Variants in GCN1 observed in about 807,000 individuals in gnomAD.
GCN1 encodes GCN1 activator of EIF2AK4.
Under a neutral mutation model 288.4 loss-of-function variants are expected in GCN1, and 90 were observed. That is an observed-to-expected ratio of 0.31 (90% CI 0.26 to 0.37). The LOEUF (loss-of-function observed/expected upper bound fraction) is 0.37, where lower values mean the gene tolerates loss of function less well. Ranked by LOEUF, GCN1 falls within the 10% of genes least tolerant of loss-of-function variation. The probability of loss-of-function intolerance (pLI) is 1.00; values close to 1 mark genes in which losing one functional copy is unlikely to be tolerated. For missense variants in GCN1, 2,586 were observed against 3,419.9 expected, an observed-to-expected ratio of 0.76 and a Z score of 6.08; for synonymous variants, 1,386 against 1,420.2, an observed-to-expected ratio of 0.98 and a Z score of 0.54.
intron 2 of GCN1, among the ~76,000 whole-genome samples, chr12:120,189,166 A>G (rs1302646984): frequency 6.6e-6 from 1 of 151,982 alleles, no homozygotes; most frequent in Non-Finnish European, 1.5e-5. Context: ...ACTGCCTCCC[A>G]GGTTGAAGCG....
At chr12:120,129,143 C>T (rs1028048428) in intron 57 of GCN1, 133 bp downstream of exon 57, 1 of 787,766 alleles carries the variant, frequency 1.3e-6, no homozygotes, top group Non-Finnish European at 2.1e-6. Context: ...TCACCCAAAT[C>T]TTAATCTGCT....
chr12:120,185,437 T>C (rs1314518233), intron 2 of GCN1, among the ~76,000 whole-genome samples: 5 of 152,052 alleles, frequency 3.3e-5, no homozygotes, highest in African/African-American at 1.2e-4. Context: ...ACATGTAGAG[T>C]GCAGGGTTAA....
chr12:120,163,029 C>T (rs1877980904), intron 19 of GCN1, 41 bp downstream of exon 19: 1 of 1,613,346 alleles, frequency 6.2e-7, no homozygotes, highest in African/African-American at 1.3e-5. Flanking sequence ...ACCCCATCCC[C>T]TAAAGCTCTG....
In GCN1 at chr12:120,161,837, C is replaced by T. The variant is rs1384741655; in HGVS notation, c.2342+43G>A. On this transcript the variant is annotated intron_variant, in intron 21 of 57. Transcript: ENST00000300648. ...CCATTCTACACACAAGAAAACTATG[C>T]CTTGGGGAGCAAAGGAAACTGAGCC... is the stretch of plus-strand genomic sequence containing the variant. 2.5e-6 allele frequency: 4 copies of T among 1,583,560 alleles called. No homozygotes were observed. The South Asian group carries it at 4.5e-5, about 18-fold the overall frequency.
chr12:120,172,117 G>C (rs1878332041), intron 14 of GCN1, among the ~76,000 whole-genome samples: 1 of 152,154 alleles, frequency 6.6e-6, no homozygotes, highest in Non-Finnish European at 1.5e-5. Context: ...TCCCACCTCA[G>C]CCTCCCAAAG....
At chr12:120,168,511 A>T in intron 15 of GCN1, 1 of 494,892 alleles carries the variant, frequency 2.0e-6, no homozygotes, top group South Asian at 2.4e-5. Context: ...TGCCTACAGG[A>T]TCCTAGGTGA....
chr12:120,177,650 T>A, intron 8 of GCN1, 34 bp downstream of exon 8: 2 of 1,579,072 alleles, frequency 1.3e-6, no homozygotes, highest in South Asian at 2.2e-5. Flanking sequence ...ATGGGATCAG[T>A]TGTCCAGGTG....
chr12:120,137,823 C>A lies in GCN1; in HGVS notation c.6394-9G>T, dbSNP rs964775119. On this transcript the variant is annotated splice_polypyrimidine_tract_variant and intron_variant, in intron 48 of 57. Coordinates refer to ENST00000300648, the MANE Select transcript of GCN1 (RefSeq NM_006836.2). This position sits in a 1 kb window ranked among gnomAD's most constrained non-coding sequence, Gnocchi z 5.2. ...TGACAATTGGCCATCTCCTGCAAAC[C>A]ACAAGGGACATGTGTGCTGAGCAGG... The A allele has an allele frequency of 3.1e-6, 5 of 1,613,338 alleles. No individual in the cohort carries two copies. Among genetic ancestry groups the A allele is most frequent in the Non-Finnish European group, 4.2e-6 (5 of 1,179,264 alleles).
In GCN1 at chr12:120,153,126, A is replaced by G. The variant is rs569786339; in HGVS notation, c.4062+87T>C. 16 of 1,144,878 alleles carry G rather than the reference A, an allele frequency of 1.4e-5. No homozygotes were observed. The South Asian group carries it at 1.6e-4, about 11-fold the overall frequency. The allele number at this position is 1,144,878 out of a possible 1,614,324, so 70.9% of individuals were successfully genotyped here. A position where few individuals can be genotyped will look rare whatever the true frequency, so the allele number is the denominator to read the frequency against. On this transcript the variant is annotated intron_variant, in intron 33 of 57. Coordinates refer to ENST00000300648, the MANE Select transcript of GCN1 (RefSeq NM_006836.2). The surrounding 1 kb of genome is among the most constrained non-coding windows in gnomAD (Gnocchi z 4.4). ...GGGCTTTCAGGGCCCTGATTGTCCA[A>G]CTCCACCCCTAGTATCCCACCGCCT...
chr12:120,147,574 A>G (rs1023004225), intron 37 of GCN1, among the ~76,000 whole-genome samples: 3 of 152,258 alleles, frequency 2.0e-5, no homozygotes, highest in Admixed American at 1.3e-4. Context: ...TGGTTTGCCT[A>G]TCGGTAATGG....
intron 1 of GCN1, among the ~76,000 whole-genome samples, chr12:120,192,123 T>C (rs2136121300): frequency 6.6e-6 from 1 of 152,320 alleles, no homozygotes; most frequent in South Asian, 2.1e-4. Context: ...CTCACTTCAG[T>C]TTGACTTGTT....
In GCN1 at chr12:120,144,221, C is replaced by T. The variant is rs137874744; in HGVS notation, c.5495+85G>A. ...AAACTCCTGGGTTTAAGCAATCCTC[C>T]TGCCTCGGCTTTCCAGAGTGCTCGG... On this transcript the variant is annotated intron_variant, in intron 42 of 57. Transcript: ENST00000300648. This position sits in a 1 kb window ranked among gnomAD's most constrained non-coding sequence, Gnocchi z 4.7. 4.8e-3 allele frequency: 7,062 copies of T among 1,470,748 alleles called. 35 individuals carry two copies. Among genetic ancestry groups the T allele is most frequent in the Non-Finnish European group, 5.6e-3 (5,927 of 1,053,558 alleles). The allele number at this position is 1,470,748 out of a possible 1,614,324, so 91.1% of individuals were successfully genotyped here. A position where few individuals can be genotyped will look rare whatever the true frequency, so the allele number is the denominator to read the frequency against.
chr12:120,136,376 T>A, intron 51 of GCN1, 126 bp downstream of exon 51: 1 of 708,676 alleles, frequency 1.4e-6, no homozygotes, highest in African/African-American at 1.8e-5. Flanking sequence ...GTCCAAGGTC[T>A]TACCTCCCTC....
At position 120,164,365 on chromosome 12, in the gene GCN1, C is replaced by T; in HGVS notation, c.1819G>A (p.Glu607Lys). Residue 607 changes from glutamate to lysine, a missense_variant, in exon 18 of 58, where the codon GAG (glutamate) becomes AAG (lysine). Around this residue, in one of 8 missense-constraint regions of GCN1, gnomAD observed 913 missense variants for 1,107.0 expected, o/e 0.82. Transcript: ENST00000300648. ...TGAGAACTGAGGACAGTCTTCAGCT[C>T]CTCCAAGAGTCCGTGCGCCAGCTTA... ...GFKLAHGLLE[E>K]LKTVLSSHKV... The T allele has an allele frequency of 2.5e-6, 4 of 1,614,190 alleles. No individual in the cohort carries two copies. Among genetic ancestry groups the T allele is most frequent in the Non-Finnish European group, 1.7e-6 (2 of 1,180,016 alleles).
At chr12:120,175,717 C>T in intron 11 of GCN1, 29 bp downstream of exon 11, 1 of 1,599,060 alleles carries the variant, frequency 6.3e-7, no homozygotes, top group Non-Finnish European at 8.5e-7. Flanking sequence ...ACGCCTCAAC[C>T]ACCCGCATGG....
chr12:120,149,871 C>A, intron 35 of GCN1, 51 bp downstream of exon 35: 2 of 1,610,484 alleles, frequency 1.2e-6, no homozygotes, highest in Non-Finnish European at 8.5e-7. Flanking sequence ...CAGCTGGGAA[C>A]ACATCTCATA....
chr12:120,138,994 C>T lies in GCN1; in HGVS notation c.5995-138G>A. 12 of 681,582 alleles carry T rather than the reference C, an allele frequency of 1.8e-5. No individual in the cohort carries two copies. The South Asian group carries it at 2.4e-4, about 14-fold the overall frequency. 42.2% of individuals were successfully genotyped at this position (681,582 alleles called of 1,614,324 possible). A position where few individuals can be genotyped will look rare whatever the true frequency, so the allele number is the denominator to read the frequency against. On this transcript the variant is annotated intron_variant, in intron 45 of 57. Coordinates refer to ENST00000300648, the MANE Select transcript of GCN1 (RefSeq NM_006836.2). ...TTGCCTGACTTGTCTTTTAACTTAA[C>T]TCTTTACTGTGAAATAAAAAAAAGG...
In GCN1 at chr12:120,156,869, C is replaced by T. The variant is rs377636909; in HGVS notation, c.3168+43G>A. 4.9e-5 allele frequency: 65 copies of T among 1,335,056 alleles called. No homozygotes were observed. The African/African-American group carries it at 8.9e-4, about 18-fold the overall frequency. 82.7% of individuals were successfully genotyped at this position (1,335,056 alleles called of 1,614,324 possible). ...TTACACTGGGACTTGAGGTCTGGGT[C>T]ACGAACTGAGTCACAGCAACAGCCA... is the stretch of plus-strand genomic sequence containing the variant. On this transcript the variant is annotated intron_variant, in intron 27 of 57. Coordinates refer to ENST00000300648, the MANE Select transcript of GCN1 (RefSeq NM_006836.2). This position sits in a 1 kb window ranked among gnomAD's most constrained non-coding sequence, Gnocchi z 5.8.
Position 120,148,349 on chromosome 12 carries a change from G to A in GCN1, c.4547-3C>T, listed in dbSNP as rs1877427323. ...TGCCCCAAGAAGCTCCACTGACCCT[G>A]TGGATAGCAGACACAAGCCCAGTAC... On this transcript the variant is annotated splice_polypyrimidine_tract_variant and splice_region_variant and intron_variant, in intron 36 of 57. Transcript: ENST00000300648. 6.2e-7 allele frequency: 1 copy of A among 1,611,182 alleles called. No individual in the cohort carries two copies. The highest frequency in any genetic ancestry group is 1.1e-5 in the South Asian group (1 of 90,772).
Sources: allele counts gnomAD v4.1 joint callset (sites outside exome capture counted in the v4.1 genomes callset), GRCh38; gene constraint gnomAD v4.1.1; regional missense constraint gnomAD v4.1.1; non-coding constraint Gnocchi (gnomAD v3.1); transcripts MANE v1.5; gene names NCBI Gene and HGNC (gene_info 2026-07-23, HGNC 2026-07-21).